ARMCX4: variants seen among roughly 807,000 people sequenced by gnomAD.
ARMCX4 encodes armadillo repeat-containing X-linked protein 4.
In ARMCX4, 3 loss-of-function variants were observed where a neutral mutation model predicts 34.7. The ratio of observed to expected loss-of-function variants is 0.09; its 90% CI spans 0.04 to 0.22. The LOEUF is 0.22. ARMCX4 is among the 10% of genes least tolerant of loss of function. ARMCX4 has a pLI of 1.00. For synonymous variants in ARMCX4, 513 were observed against 632.8 expected (o/e 0.81, Z 2.84); for missense variants, 1,448 against 1,720.8 (o/e 0.84, Z 2.81).
At chrX:101,419,715 C>T (rs1173063367) in intron 2 of ARMCX4, among the ~76,000 whole-genome samples, 1 of 111,416 alleles carries the variant, frequency 9.0e-6, no homozygotes, top group Non-Finnish European at 1.9e-5. Flanking sequence ...TGCTGAGTAA[C>T]TCCCTCACCC....
chrX:101,496,065 G>T (rs782553796), downstream of ARMCX4, among the ~76,000 whole-genome samples: 5 of 110,718 alleles, frequency 4.5e-5, no homozygotes, highest in Non-Finnish European at 7.6e-5. Flanking sequence ...GGGAAAAAAG[G>T]CATGGAGATG....
At chrX:101,512,850 G>T (rs1309837204) in intron 11 of ARMCX4, among the ~76,000 whole-genome samples, 1 of 57,621 alleles carries the variant, frequency 1.7e-5, no homozygotes, top group Admixed American at 1.8e-4. Context: ...GTGTATATAT[G>T]TGTATATATG....
Position 101,488,619 on chromosome X carries a change from G to A in ARMCX4, c.30G>A (p.Val10=), listed in dbSNP as rs1379053592. 1.7e-6 allele frequency: 2 copies of A among 1,154,176 alleles called. No individual in the cohort carries two copies. The highest frequency in any genetic ancestry group is 3.6e-5 in the African/African-American group (2 of 55,640). MGRIQEVGW[V]TAGLVIWAGT... ...GCCGCATTCAGGAAGTGGGCTGGGT[G>A]ACTGCAGGACTGGTGATCTGGGCTG... The change falls in exon 6 of 6, where the codon GTG becomes GTA. Residue 10 remains valine (V), a synonymous_variant. Transcript: ENST00000423738.
At chrX:101,434,909 T>C (rs1555993974) in intron 2 of ARMCX4, among the ~76,000 whole-genome samples, 1 of 109,661 alleles carries the variant, frequency 9.1e-6, no homozygotes, top group Non-Finnish European at 1.9e-5. Context: ...GTCCTTGCGA[T>C]AGTTTGCTGA....
chrX:101,458,809 T>G (rs182086702), intron 4 of ARMCX4, among the ~76,000 whole-genome samples: 6 of 111,644 alleles, frequency 5.4e-5, no homozygotes, highest in Non-Finnish European at 1.1e-4. Flanking sequence ...AATTTCTAGC[T>G]TTACTAGGCA....
intron 11 of ARMCX4, among the ~76,000 whole-genome samples, chrX:101,526,268 CA>C (rs1459763767): frequency 1.8e-5 from 2 of 111,795 alleles, no homozygotes; most frequent in African/African-American, 3.3e-5. Context: ...AAATCCTTTA[CA>C]GACAAGCAAA....
chrX:101,491,998 A>G lies in ARMCX4; in HGVS notation c.3409A>G (p.Ser1137Gly). 2.6e-6 allele frequency: 3 copies of G among 1,154,638 alleles called. No homozygotes were observed. In the South Asian group the frequency reaches 5.7e-5, roughly 22 times the overall value. Residue 1137 changes from serine to glycine, a missense_variant, in exon 6 of 6, where the codon AGT (serine) becomes GGT (glycine). By Grantham distance (56) the Ser-to-Gly change is moderately conservative. Coordinates refer to ENST00000423738, the MANE Select transcript of ARMCX4 (RefSeq NM_001256155.3). The part of the protein sequence containing the change: ...VSWADDENEA[S>G]IGSWSGASDK... ...CTGGGCTGATGATGAGAATGAAGCC[A>G]GTATTGGGTCCTGGAGTGGGGCTAG...
In ARMCX4 at chrX:101,493,189, T is replaced by C. The variant is rs782505264; in HGVS notation, c.4600T>C (p.Ser1534Pro). ...GGCTAGTGGCCAGGATGTTGGAGGG[T>C]CTAGGCCAGGGCCCACGAACCAGTC... Reference protein sequence around the residue: ...GGASGQDVGGSRPGPTNQSSA... With the variant: ...GGASGQDVGGPRPGPTNQSSA... The change falls in exon 6 of 6, where the codon TCT becomes CCT. Residue 1534 changes from serine (S) to proline (P), a missense_variant. Transcript: ENST00000423738. 215 of 1,151,506 alleles carry C rather than the reference T, an allele frequency of 1.9e-4. 1 individual carries two copies. In the African/African-American group the frequency reaches 3.7e-3, roughly 20 times the overall value. 94.9% of individuals were successfully genotyped at this position (1,151,506 alleles called of 1,213,427 possible). A position where few individuals can be genotyped will look rare whatever the true frequency, so the allele number is the denominator to read the frequency against.
chrX:101,488,334 CTT>C, intron 5 of ARMCX4, 108 bp from the exon 6 acceptor site: 2 of 725,441 alleles, frequency 2.8e-6, no homozygotes, highest in South Asian at 3.0e-5. Context: ...ATCATCCTCT[CTT>C]CCACCAAGCA....
intron 2 of ARMCX4, among the ~76,000 whole-genome samples, chrX:101,433,373 T>G (rs782228780): frequency 9.1e-6 from 1 of 109,495 alleles, no homozygotes; most frequent in Admixed American, 9.8e-5. Context: ...TATAAACATA[T>G]GTACATATAT....
intron 11 of ARMCX4, among the ~76,000 whole-genome samples, chrX:101,523,507 C>T (rs191800332): frequency 2.3e-4 from 26 of 112,165 alleles, no homozygotes; most frequent in African/African-American, 6.5e-5. Flanking sequence ...TGCCAAGCTA[C>T]GGTCAAAACC....
chrX:101,437,770 C>T (rs1351872105), intron 2 of ARMCX4, among the ~76,000 whole-genome samples: 3 of 111,923 alleles, frequency 2.7e-5, no homozygotes, highest in African/African-American at 9.8e-5. Flanking sequence ...CCTGCTTTCT[C>T]TTGTGGGAAT....
rs1933940940 is a variant in ARMCX4, at chrX:101,490,760, C to T, written c.2171C>T (p.Ala724Val). 8.7e-7 allele frequency: 1 copy of T among 1,149,781 alleles called. No individual in the cohort carries two copies. The highest frequency in any genetic ancestry group is 1.1e-6 in the Non-Finnish European group (1 of 871,118). The allele number at this position is 1,149,781 out of a possible 1,213,427, so 94.8% of individuals were successfully genotyped here. ...TCCCAGGGTGAGGTCTTGCCTGGTG[C>T]CAAGAATAAGATCAGAGGCAATCCC... ...ANSQGEVLPG[A>V]KNKIRGNPTT... The change falls in exon 6 of 6, where the codon GCC (alanine) becomes GTC (valine). Residue 724 changes from alanine (A) to valine (V), a missense_variant. Physicochemically the swap from Ala to Val is moderately conservative, Grantham distance 64. Coordinates refer to ENST00000423738, the MANE Select transcript of ARMCX4 (RefSeq NM_001256155.3).
In ARMCX4 at chrX:101,488,474, T is replaced by A; in HGVS notation, c.-116T>A. On this transcript the variant is annotated 5_prime_UTR_variant, in exon 6 of 6. The change creates a new upstream start codon in the 5' untranslated region. Transcript: ENST00000423738. Reference sequence around the variant, plus strand: ...CCTCCAGAGGCAGCTGTAGTGGCCTTTGAGTGGCTGAAGACCAGCACCCTC... The same window carrying A: ...CCTCCAGAGGCAGCTGTAGTGGCCTATGAGTGGCTGAAGACCAGCACCCTC... The A allele has an allele frequency of 1.8e-6, 2 of 1,130,286 alleles. No homozygotes were observed. Among genetic ancestry groups the A allele is most frequent in the Non-Finnish European group, 2.3e-6 (2 of 858,211 alleles). The allele number at this position is 1,130,286 out of a possible 1,213,427, so 93.1% of individuals were successfully genotyped here. A position where few individuals can be genotyped will look rare whatever the true frequency, so the allele number is the denominator to read the frequency against.
At chrX:101,511,352 C>A (rs183177070) in intron 11 of ARMCX4, among the ~76,000 whole-genome samples, 32 of 110,970 alleles carry the variant, frequency 2.9e-4, no homozygotes, top group Non-Finnish European at 4.7e-4. Context: ...GGAGCTTTTC[C>A]TGACCTCTGA....
intron 2 of ARMCX4, among the ~76,000 whole-genome samples, chrX:101,442,356 A>G (rs1931351982): frequency 9.0e-6 from 1 of 111,356 alleles, no homozygotes; most frequent in African/African-American, 3.3e-5. Flanking sequence ...CAGTCTTGTC[A>G]GTGCAAAACA....
chrX:101,452,234 C>G (rs1425449191), downstream of ARMCX4, among the ~76,000 whole-genome samples: 2 of 111,573 alleles, frequency 1.8e-5, no homozygotes, highest in Non-Finnish European at 3.8e-5. Context: ...CTGATCTTTC[C>G]TAGTTATTTA....
Position 101,488,669 on chromosome X carries a change from T to A in ARMCX4, c.80T>A (p.Phe27Tyr). ...GGCACCTGCTACTACATTTACAAAT[T>A]TACCAAGGGAAGAGCCCAGAGTGTG... ...WAGTCYYIYK[F>Y]TKGRAQSVRT... The change falls in exon 6 of 6, where the codon TTT becomes TAT. Residue 27 changes from phenylalanine (F) to tyrosine (Y), a missense_variant. Around this residue, in one of 2 missense-constraint regions of ARMCX4, gnomAD observed 1,343 missense variants for 1,540.7 expected, o/e 0.87. Transcript: ENST00000423738. 1 of 1,155,903 alleles carries A rather than the reference T, an allele frequency of 8.7e-7. No individual in the cohort carries two copies. The highest frequency in any genetic ancestry group is 1.9e-5 in the South Asian group (1 of 52,755).
intron 2 of ARMCX4, among the ~76,000 whole-genome samples, chrX:101,438,207 T>G (rs998198468): frequency 6.3e-5 from 7 of 111,356 alleles, no homozygotes; most frequent in African/African-American, 2.3e-4. Flanking sequence ...GTTCAATTCC[T>G]GTATATCCTT....
Sources: allele counts gnomAD v4.1 joint callset (sites outside exome capture counted in the v4.1 genomes callset), GRCh38; gene constraint gnomAD v4.1.1; regional missense constraint gnomAD v4.1.1; transcripts MANE v1.5; gene names NCBI Gene and HGNC (gene_info 2026-07-23, HGNC 2026-07-21).